Variants in ZNF490 observed in about 807,000 individuals in gnomAD.
The protein encoded by ZNF490 is zinc finger protein 490.
A neutral mutation model predicts 17.7 loss-of-function variants in ZNF490; 11 were observed. The observed-to-expected ratio is 0.62, with a 90% confidence interval of 0.39 to 1.03. The LOEUF is 1.03. Among genes scored for constraint, ZNF490 ranks in the 50% least tolerant of loss-of-function variants. The pLI is 0.00. For synonymous variants in ZNF490, 222 were observed against 216.1 expected, an observed-to-expected ratio of 1.03 and a Z score of -0.24; for missense variants, 542 against 643.4, an observed-to-expected ratio of 0.84 and a Z score of 1.71.
At chr19:12,595,139 TTC>T (rs377056711) in intron 2 of ZNF490, among the ~76,000 whole-genome samples, 4 of 152,044 alleles carry the variant, frequency 2.6e-5, no homozygotes, top group African/African-American at 7.2e-5. Flanking sequence ...CAGTGTCCTT[TTC>T]TCTCTCTTTT....
intron 2 of ZNF490, among the ~76,000 whole-genome samples, chr19:12,583,805 A>ATTTT (rs1568278627): frequency 8.7e-6 from 1 of 115,286 alleles, no homozygotes; most frequent in African/African-American, 3.5e-5. Flanking sequence ...ATATATATAT[A>ATTTT]TATATATTTT....
At chr19:12,609,883 T>C (rs372110239) in intron 1 of ZNF490, 36 of 451,402 alleles carry the variant, frequency 8.0e-5, no homozygotes, top group Middle Eastern at 4.0e-4. Flanking sequence ...TTGGGTACAA[T>C]ATACACTCTT....
At chr19:12,599,549 A>C (rs2022976924) in intron 2 of ZNF490, among the ~76,000 whole-genome samples, 1 of 152,216 alleles carries the variant, frequency 6.6e-6, no homozygotes, top group Admixed American at 6.5e-5. Context: ...GTCAGACCTT[A>C]TCTGCACTTC....
In ZNF490 at chr19:12,583,808, TA is replaced by T. The variant is rs1354248375; in HGVS notation, c.163-253del. ...CTCTCTCTCTATATATATATATATA[TA>T]TATTTTTTTTTTTTTTTTTTTGAAA... On this transcript the variant is annotated intron_variant, in intron 2 of 4. Transcript: ENST00000311437. Among the ~76,000 whole-genome samples the T allele has an allele frequency of 3.3e-3, 377 of 113,786 alleles. 1 individual carries two copies. Among genetic ancestry groups the T allele is most frequent in the African/African-American group, 0.012 (350 of 29,150 alleles). 74.6% of individuals were successfully genotyped at this position (113,786 alleles called of 152,430 possible).
intron 2 of ZNF490, among the ~76,000 whole-genome samples, chr19:12,587,916 C>T (rs2022820595): frequency 1.1e-5 from 1 of 93,780 alleles, no homozygotes; most frequent in Admixed American, 1.0e-4. Context: ...GTTGCCCAGG[C>T]TGGAGTGCGA....
At chr19:12,600,134 G>A (rs938937926) in intron 2 of ZNF490, among the ~76,000 whole-genome samples, 6 of 152,018 alleles carry the variant, frequency 3.9e-5, no homozygotes, top group Admixed American at 2.6e-4. Context: ...AGGCCGAGGC[G>A]GGCAGATCAC....
At chr19:12,595,591 ATT>A (rs977041991) in intron 2 of ZNF490, among the ~76,000 whole-genome samples, 1 of 151,462 alleles carries the variant, frequency 6.6e-6, no homozygotes, top group Non-Finnish European at 1.5e-5. Context: ...TTATTAATAT[ATT>A]TTTTTCCTCC....
chr19:12,595,504 C>G (rs1161314142), intron 2 of ZNF490, among the ~76,000 whole-genome samples: 1 of 150,636 alleles, frequency 6.6e-6, no homozygotes, highest in Non-Finnish European at 1.5e-5. Context: ...TCTTTTGTGC[C>G]CTTCCTTCTT....
intron 2 of ZNF490, among the ~76,000 whole-genome samples, chr19:12,595,492 T>C (rs1336744162): frequency 6.6e-6 from 1 of 152,154 alleles, no homozygotes; most frequent in Non-Finnish European, 1.5e-5. Context: ...TTCATTTTTT[T>C]TTCTTTTGTG....
rs796464547 is a variant in ZNF490, at chr19:12,576,688, G to A, written c.*3797C>T. 4.4e-4 allele frequency among the ~76,000 whole-genome samples: 67 copies of A among 151,476 alleles called. 1 individual carries two copies. Among genetic ancestry groups the A allele is most frequent in the African/African-American group, 1.5e-3 (63 of 41,266 alleles). ...AAAATTTAGCTGGTTGTGGTGGCAC[G>A]CGCCTATAGTCCCAGCTACTCAGGA... On this transcript the variant is annotated 3_prime_UTR_variant, in exon 5 of 5. Transcript: ENST00000311437.
intron 3 of ZNF490, 129 bp from the exon 4 acceptor site, chr19:12,583,039 T>G: frequency 1.3e-6 from 1 of 782,656 alleles, no homozygotes; most frequent in Non-Finnish European, 2.0e-6. Flanking sequence ...AGTATTCTCT[T>G]CCCACATTTT....
At chr19:12,583,783 CTCTCTCTCTATA>C (rs1400783395) in intron 2 of ZNF490, among the ~76,000 whole-genome samples, 14 of 89,080 alleles carry the variant, frequency 1.6e-4, no homozygotes, top group African/African-American at 5.5e-4. Flanking sequence ...CTCTCTCTCT[CTCTCTCTCTATA>C]TATATATATA....
At chr19:12,588,739 C>A (rs1463116051) in intron 2 of ZNF490, among the ~76,000 whole-genome samples, 2 of 152,104 alleles carry the variant, frequency 1.3e-5, no homozygotes, top group Non-Finnish European at 2.9e-5. Context: ...TACTTCCTAG[C>A]AAATTTAAAA....
At chr19:12,608,307 A>G (rs908382906) in intron 2 of ZNF490, among the ~76,000 whole-genome samples, 4 of 152,084 alleles carry the variant, frequency 2.6e-5, no homozygotes, top group Non-Finnish European at 5.9e-5. Context: ...TTTTTGAGAC[A>G]GGGTCTCGCT....
intron 2 of ZNF490, among the ~76,000 whole-genome samples, chr19:12,596,243 C>A (rs10405093): frequency 0.022 from 2,282 of 101,792 alleles, 76 homozygotes; most frequent in African/African-American, 0.081. Flanking sequence ...CCAGTCTGGG[C>A]GACAGAGAAA....
At position 12,610,783 on chromosome 19, in the gene ZNF490, T is replaced by C; in HGVS notation, c.-103A>G. ...ACAATTGTCCACGGAGGGCACCAGT[T>C]CCGTCCCACCGGCGGAAGCGAGATC... is the stretch of plus-strand genomic sequence containing the variant. On this transcript the variant is annotated 5_prime_UTR_variant, in exon 1 of 5. Transcript: ENST00000311437. 2 of 1,216,858 alleles carry C rather than the reference T, an allele frequency of 1.6e-6. No homozygotes were observed. The highest frequency in any genetic ancestry group is 2.4e-6 in the Non-Finnish European group (2 of 834,816). The allele number at this position is 1,216,858 out of a possible 1,614,324, so 75.4% of individuals were successfully genotyped here. A position where few individuals can be genotyped will look rare whatever the true frequency, so the allele number is the denominator to read the frequency against.
chr19:12,609,546 G>A (rs937902308), intron 1 of ZNF490, among the ~76,000 whole-genome samples: 2 of 152,048 alleles, frequency 1.3e-5, no homozygotes, highest in African/African-American at 4.8e-5. Flanking sequence ...ACCATACCCA[G>A]CTAATTTTTA....
rs1296375159 is a variant in ZNF490 at position 12,580,678 on chromosome 19, C to T, written c.1397G>A (p.Arg466Lys). Residue 466 changes from arginine (R) to lysine (K), a missense_variant, in exon 5 of 5, where the codon AGA (arginine) becomes AAA (lysine). Physicochemically the swap from Arg to Lys is conservative, Grantham distance 26. Coordinates refer to ENST00000311437, the MANE Select transcript of ZNF490 (RefSeq NM_020714.3). ...IYFSHLRRHE[R>K]SHTGVKPCEC... ...ACATGGTTTCACTCCAGTGTGACTT[C>T]TTTCGTGCCTTCGAAGGTGACTGAA... The T allele has an allele frequency of 6.2e-7, 1 of 1,614,180 alleles. No homozygotes were observed. The highest frequency in any genetic ancestry group is 8.5e-7 in the Non-Finnish European group (1 of 1,180,014).
rs1287464830 is a variant in ZNF490, at chr19:12,585,128, T to C, written c.163-1572A>G. On this transcript the variant is annotated intron_variant, in intron 2 of 4. Coordinates refer to ENST00000311437, the MANE Select transcript of ZNF490 (RefSeq NM_020714.3). The stretch of plus-strand genomic sequence containing the variant: ...GCTAGTGTGAGTTCAAGCATACAGG[T>C]GGAGGCTGATGCGAATTGGCTCTGT... Among the ~76,000 whole-genome samples, 3 of 93,316 alleles carry C rather than the reference T, an allele frequency of 3.2e-5. 1 individual carries two copies. The highest frequency in any genetic ancestry group is 8.6e-5 in the Non-Finnish European group (3 of 34,704). 61.2% of individuals were successfully genotyped at this position (93,316 alleles called of 152,430 possible).
Sources: allele counts gnomAD v4.1 joint callset (sites outside exome capture counted in the v4.1 genomes callset), GRCh38; gene constraint gnomAD v4.1.1; transcripts MANE v1.5; gene names NCBI Gene and HGNC (gene_info 2026-07-23, HGNC 2026-07-21).